Variants in DAB1 observed in about 807,000 individuals in gnomAD.
DAB1 encodes the protein disabled homolog 1.
A neutral mutation model predicts 64.6 loss-of-function variants in DAB1; 15 were observed. The ratio of observed to expected loss-of-function variants is 0.23; its 90% CI spans 0.16 to 0.36. The LOEUF is 0.36. DAB1 is among the 10% of genes least tolerant of loss of function. The pLI is 1.00. For synonymous variants in DAB1, 235 were observed against 251.9 expected (o/e 0.93, Z 0.64); for missense variants, 596 against 706.7 (o/e 0.84, Z 1.78).
rs562272234 is a variant in DAB1 at position 58,400,775 on chromosome 1, T to C, written n.258-57372A>G. ...ATTTTATTATAATTATAACTGTAGATTATGAAATATATAAGTATAATTCTC... is the reference window on the plus strand; with the variant it reads ...ATTTTATTATAATTATAACTGTAGACTATGAAATATATAAGTATAATTCTC... On this transcript the variant is annotated intron_variant and non_coding_transcript_variant, in intron 3 of 20. Coordinates refer to the DAB1 transcript ENST00000485760. Among the ~76,000 whole-genome samples the C allele has an allele frequency of 3.3e-5, 5 of 152,332 alleles. No homozygotes were observed. The South Asian group carries it at 1.0e-3, about 32-fold the overall frequency.
intron 1 of DAB1, among the ~76,000 whole-genome samples, chr1:57,400,903 T>C (rs1683187976): frequency 6.6e-6 from 1 of 151,860 alleles, no homozygotes. Context: ...GGGAGATGTA[T>C]TCACATCGTC....
At chr1:57,341,436 A>C (rs2100829305) in intron 1 of DAB1, among the ~76,000 whole-genome samples, 1 of 152,330 alleles carries the variant, frequency 6.6e-6, no homozygotes, top group South Asian at 2.1e-4. Context: ...TATGCCTATA[A>C]ACACCTGTCA....
rs57316234 is a variant in DAB1 at position 57,687,599 on chromosome 1, C to CAAAA, written n.552-37938_552-37935dup. ...GAATATCGAAAGTAATCTTAAGAAA[C>CAAAA]AAAAAAAAAAAAAAAAAAAAGAAAA... On this transcript the variant is annotated intron_variant and non_coding_transcript_variant, in intron 6 of 20. Coordinates refer to the DAB1 transcript ENST00000485760. Among the ~76,000 whole-genome samples, 360 of 82,432 alleles carry CAAAA rather than the reference C, an allele frequency of 4.4e-3. 5 individuals are homozygous for CAAAA. The highest frequency in any genetic ancestry group is 0.014 in the African/African-American group (320 of 22,932). The allele number at this position is 82,432 out of a possible 152,430, so 54.1% of individuals were successfully genotyped here. A position where few individuals can be genotyped will look rare whatever the true frequency, so the allele number is the denominator to read the frequency against.
chr1:58,192,530 T>C (rs1657442258), intron 4 of DAB1, among the ~76,000 whole-genome samples: 1 of 152,204 alleles, frequency 6.6e-6, no homozygotes, highest in South Asian at 2.1e-4. Context: ...GATTTTCTGT[T>C]CCTGAGTTAT....
In DAB1 at chr1:57,715,206, A is replaced by G. The variant is rs147927790; in HGVS notation, n.552-65541T>C. 4.8e-3 allele frequency among the ~76,000 whole-genome samples: 725 copies of G among 152,338 alleles called. 8 individuals are homozygous for G. Among genetic ancestry groups the G allele is most frequent in the Middle Eastern group, 0.017 (5 of 294 alleles). ...ATGATTATTTCAATAGATGCTGAAA[A>G]AGCATTTGGTAGAATTCAGCATTGC... On this transcript the variant is annotated intron_variant and non_coding_transcript_variant, in intron 6 of 20. Transcript: ENST00000485760.
chr1:57,752,814 G>A (rs1253561801), intron 6 of DAB1, among the ~76,000 whole-genome samples: 1 of 152,188 alleles, frequency 6.6e-6, no homozygotes, highest in African/African-American at 2.4e-5. Flanking sequence ...GTTCTTGTAA[G>A]GGTTAAATAA....
At chr1:57,588,827 A>G (rs567214723) in intron 7 of DAB1, among the ~76,000 whole-genome samples, 1 of 152,386 alleles carries the variant, frequency 6.6e-6, no homozygotes, top group African/African-American at 2.4e-5. Context: ...AACTGGGGAA[A>G]AGGATAAATA....
chr1:57,777,366 G>C (rs1649860416), intron 6 of DAB1, among the ~76,000 whole-genome samples: 1 of 140,968 alleles, frequency 7.1e-6, no homozygotes, highest in African/African-American at 2.7e-5. Context: ...TTGGAATGTT[G>C]TCAGCCATCA....
At chr1:58,490,748 C>G (rs530846608) in intron 3 of DAB1, among the ~76,000 whole-genome samples, 1 of 146,528 alleles carries the variant, frequency 6.8e-6, no homozygotes, top group East Asian at 2.0e-4. Flanking sequence ...GATCTCTCAG[C>G]AGAAACTCTA....
At chr1:57,733,872 C>T (rs1325730258) in intron 6 of DAB1, among the ~76,000 whole-genome samples, 1 of 151,944 alleles carries the variant, frequency 6.6e-6, no homozygotes. Context: ...GGGTGTCCTC[C>T]TGAAGAAGAA....
intron 2 of DAB1, among the ~76,000 whole-genome samples, chr1:57,153,938 C>T (rs187210606): frequency 3.3e-5 from 5 of 152,212 alleles, no homozygotes; most frequent in African/African-American, 9.6e-5. Context: ...CACCCCTGGC[C>T]GGTGTATGTA....
chr1:57,686,917 G>A (rs1323845719), intron 6 of DAB1, among the ~76,000 whole-genome samples: 1 of 152,120 alleles, frequency 6.6e-6, no homozygotes, highest in African/African-American at 2.4e-5. Flanking sequence ...AACTATCTAT[G>A]ACAAACCCAC....
At chr1:58,075,684 G>C (rs77513825) in intron 5 of DAB1, among the ~76,000 whole-genome samples, 4,334 of 152,236 alleles carry the variant, frequency 0.028, 191 homozygotes, top group African/African-American at 0.099. Context: ...CAGAATTCAA[G>C]GTCACAAATG....
intron 4 of DAB1, among the ~76,000 whole-genome samples, chr1:58,294,977 A>G (rs1012896944): frequency 1.3e-5 from 2 of 151,566 alleles, no homozygotes; most frequent in Admixed American, 6.6e-5. Flanking sequence ...GAGAGGATTC[A>G]TGTTCACTTT....
intron 4 of DAB1, among the ~76,000 whole-genome samples, chr1:57,115,843 G>A (rs186901750): frequency 7.2e-4 from 110 of 152,300 alleles, no homozygotes; most frequent in African/African-American, 2.4e-3. Context: ...TAGAGTTCTT[G>A]TAAGGAAGAG....
At chr1:57,193,940 A>G (rs897378931) in intron 2 of DAB1, among the ~76,000 whole-genome samples, 1 of 152,230 alleles carries the variant, frequency 6.6e-6, no homozygotes, top group African/African-American at 2.4e-5. Flanking sequence ...CAAAATGGGT[A>G]TAACAGTGAT....
chr1:57,155,384 T>C (rs1357237193), intron 2 of DAB1, among the ~76,000 whole-genome samples: 1 of 152,202 alleles, frequency 6.6e-6, no homozygotes, highest in African/African-American at 2.4e-5. Context: ...CATTGGTCTA[T>C]GTGTCTATTT....
At chr1:57,969,420 G>A (rs907239575) in intron 5 of DAB1, among the ~76,000 whole-genome samples, 4 of 152,044 alleles carry the variant, frequency 2.6e-5, no homozygotes, top group East Asian at 1.9e-4. Context: ...TTGGCTCACC[G>A]CAACCTCCAC....
At chr1:57,376,569 T>A (rs942287084) in intron 1 of DAB1, among the ~76,000 whole-genome samples, 2 of 152,204 alleles carry the variant, frequency 1.3e-5, no homozygotes, top group African/African-American at 4.8e-5. Context: ...AATAAATACC[T>A]GTTGAGTGAA....
Sources: allele counts gnomAD v4.1 joint callset (sites outside exome capture counted in the v4.1 genomes callset), GRCh38; gene constraint gnomAD v4.1.1; transcripts MANE v1.5; gene names NCBI Gene and HGNC (gene_info 2026-07-23, HGNC 2026-07-21).